The following CBLB variants were observed in gnomAD, a reference collection of about 807,000 sequenced individuals.
The protein encoded by CBLB is Cbl proto-oncogene B.
Under a neutral mutation model 104.9 loss-of-function variants are expected in CBLB, and 31 were observed. The ratio of observed to expected loss-of-function variants is 0.30; its 90% CI spans 0.22 to 0.40. The LOEUF (loss-of-function observed/expected upper bound fraction) is 0.40. Among genes scored for constraint, CBLB ranks in the 10% least tolerant of loss-of-function variants. CBLB has a pLI of 1.00. For synonymous variants in CBLB, 440 were observed against 422.6 expected (o/e 1.04, Z -0.51); for missense variants, 1,062 against 1,214.6 (o/e 0.87, Z 1.87).
chr3:105,658,626 A>C lies in CBLB; in HGVS notation c.*344T>G, dbSNP rs1156827944. 5 of 392,796 alleles carry C rather than the reference A, an allele frequency of 1.3e-5. No individual in the cohort carries two copies. In the Admixed American group the frequency reaches 2.0e-4, roughly 16 times the overall value. 24.3% of individuals were successfully genotyped at this position (392,796 alleles called of 1,614,324 possible). On this transcript the variant is annotated 3_prime_UTR_variant, in exon 19 of 19. Transcript: ENST00000394030. The stretch of plus-strand genomic sequence containing the variant: ...CACAGTACAGGTATCAAAACACCAA[A>C]ACAAAACTAAACTAAAAACAAGAAC...
intron 9 of CBLB, among the ~76,000 whole-genome samples, chr3:105,733,795 T>C (rs2074601550): frequency 6.6e-6 from 1 of 152,198 alleles, no homozygotes; most frequent in Admixed American, 6.5e-5. Context: ...GTAGAACTAC[T>C]GATGACTAAT....
chr3:105,727,384 C>G (rs2073800383), intron 9 of CBLB, among the ~76,000 whole-genome samples: 1 of 151,998 alleles, frequency 6.6e-6, no homozygotes, highest in Non-Finnish European at 1.5e-5. Context: ...GCTTCGCCCA[C>G]TTTTTGACTT....
chr3:105,711,113 T>C (rs1559915727), intron 10 of CBLB, among the ~76,000 whole-genome samples: 1 of 152,120 alleles, frequency 6.6e-6, no homozygotes, highest in East Asian at 1.9e-4. Context: ...GTCAGGCTTA[T>C]TATAAAAACA....
intron 2 of CBLB, among the ~76,000 whole-genome samples, chr3:105,859,156 A>T (rs1310219474): frequency 1.3e-5 from 2 of 152,228 alleles, no homozygotes; most frequent in Non-Finnish European, 1.5e-5. Context: ...CAGATAGTAC[A>T]TTCCTTGCAA....
intron 17 of CBLB, chr3:105,670,691 T>C (rs1340187443): frequency 4.0e-6 from 1 of 251,480 alleles, no homozygotes; most frequent in African/African-American, 2.3e-5. Flanking sequence ...ATAGAAACTG[T>C]TCTAAAGTAA....
intron 17 of CBLB, among the ~76,000 whole-genome samples, chr3:105,677,978 TAAC>T (rs926259417): frequency 8.5e-5 from 13 of 152,264 alleles, no homozygotes; most frequent in Admixed American, 6.5e-4. Context: ...ATTCTTGTTA[TAAC>T]AACATAATTT....
intron 3 of CBLB, among the ~76,000 whole-genome samples, chr3:105,782,203 T>C (rs1025093397): frequency 2.6e-5 from 4 of 152,184 alleles, no homozygotes; most frequent in Non-Finnish European, 5.9e-5. Context: ...CCAAATGCTT[T>C]AAAGTTTTAA....
chr3:105,731,424 CT>C (rs1308323048), intron 9 of CBLB, among the ~76,000 whole-genome samples: 1 of 152,136 alleles, frequency 6.6e-6, no homozygotes, highest in Non-Finnish European at 1.5e-5. Context: ...CAGTATGTCA[CT>C]TTGCTCAAAG....
At chr3:105,670,555 A>G (rs1009505126) in intron 17 of CBLB, 2 of 551,652 alleles carry the variant, frequency 3.6e-6, no homozygotes, top group African/African-American at 3.8e-5. Flanking sequence ...CTTCACATTT[A>G]TTTCCAGATA....
chr3:105,783,101 T>G (rs1560220346), intron 3 of CBLB, among the ~76,000 whole-genome samples: 2 of 152,360 alleles, frequency 1.3e-5, no homozygotes, highest in East Asian at 3.9e-4. Flanking sequence ...AAATATATTC[T>G]GATTAATTTT....
At chr3:105,760,350 TAGAA>T (rs1387377512) in intron 4 of CBLB, among the ~76,000 whole-genome samples, 1 of 152,104 alleles carries the variant, frequency 6.6e-6, no homozygotes, top group Admixed American at 6.5e-5. Context: ...CTGTAAAAAA[TAGAA>T]AGATTCAGGT....
In CBLB at chr3:105,681,482, A is replaced by G; in HGVS notation, c.2425T>C (p.Leu809=). The change falls in exon 16 of 19, where the codon TTA becomes CTA. Residue 809 remains leucine, a synonymous_variant. Transcript: ENST00000394030. The part of the protein sequence containing the change: ...PSDYDLLIPP[L]GEDAFDALPP... ...AAACTTTTTTAAAGGTTTCAACCTA[A>G]TGGAGGGATGAGAAGATCATAATCA... 1 of 1,614,136 alleles carries G rather than the reference A, an allele frequency of 6.2e-7. No homozygotes were observed. The highest frequency in any genetic ancestry group is 8.5e-7 in the Non-Finnish European group (1 of 1,179,970).
chr3:105,705,443 T>C (rs2069945472), intron 10 of CBLB, among the ~76,000 whole-genome samples: 1 of 152,212 alleles, frequency 6.6e-6, no homozygotes, highest in Non-Finnish European at 1.5e-5. Flanking sequence ...GTCTCCCTAC[T>C]CTCCTTTTGG....
intron 3 of CBLB, among the ~76,000 whole-genome samples, chr3:105,783,504 C>T (rs2080548583): frequency 6.6e-6 from 1 of 152,058 alleles, no homozygotes; most frequent in African/African-American, 2.4e-5. Context: ...AAACAATGGG[C>T]AAGTATTTGA....
In CBLB at chr3:105,738,867, A is replaced by G. The variant is rs1324694296; in HGVS notation, c.984-1609T>C. Among the ~76,000 whole-genome samples, 3 of 152,140 alleles carry G rather than the reference A, an allele frequency of 2.0e-5. No individual in the cohort carries two copies. In the East Asian group the frequency reaches 5.8e-4, roughly 29 times the overall value. On this transcript the variant is annotated intron_variant, in intron 7 of 18. Coordinates refer to ENST00000394030, the MANE Select transcript of CBLB (RefSeq NM_170662.5). ...CATTTGGTACCATAACTTGCCATAC[A>G]ATTACTATGTAATTAATTTATTGAA...
At chr3:105,694,932 T>G (rs544777579) in intron 12 of CBLB, among the ~76,000 whole-genome samples, 1 of 151,954 alleles carries the variant, frequency 6.6e-6, no homozygotes, top group African/African-American at 2.4e-5. Flanking sequence ...TCCTAATAGA[T>G]ATTAATCATT....
intron 3 of CBLB, among the ~76,000 whole-genome samples, chr3:105,806,589 T>C (rs888642352): frequency 6.6e-6 from 1 of 151,914 alleles, no homozygotes; most frequent in African/African-American, 2.4e-5. Context: ...CCAGTAAGCT[T>C]TGCCAAATAG....
intron 4 of CBLB, among the ~76,000 whole-genome samples, chr3:105,764,909 C>G (rs1379634116): frequency 6.6e-6 from 1 of 152,172 alleles, no homozygotes; most frequent in Non-Finnish European, 1.5e-5. Context: ...TTCTGTTAGG[C>G]CAAAGCCGAA....
intron 6 of CBLB, among the ~76,000 whole-genome samples, chr3:105,743,481 A>AT (rs2075810752): frequency 6.6e-6 from 1 of 151,250 alleles, no homozygotes; most frequent in Non-Finnish European, 1.5e-5. Context: ...AAAATTAAAA[A>AT]AAAATATATA....
Sources: gnomAD v4.1 joint callset for allele counts (sites outside exome capture counted in the v4.1 genomes callset) on GRCh38, gnomAD v4.1.1 for gene constraint, MANE v1.5 for transcripts, NCBI Gene and HGNC (gene_info 2026-07-23, HGNC 2026-07-21) for gene names.